Variants in RAPGEF5 observed in about 807,000 individuals in gnomAD.
RAPGEF5 encodes M-Ras-regulated GEF.
RAPGEF5 carries 65 observed loss-of-function variants against 125.2 expected under a neutral mutation model. The ratio of observed to expected loss-of-function variants is 0.52; its 90% CI spans 0.43 to 0.64. The LOEUF (loss-of-function observed/expected upper bound fraction) is 0.64. Among genes scored for constraint, RAPGEF5 ranks in the 30% least tolerant of loss-of-function variants. RAPGEF5 has a pLI of 0.00. For missense variants in RAPGEF5, 958 were observed against 1,048.1 expected (o/e 0.91, Z 1.19); for synonymous variants, 391 against 385.9 (o/e 1.01, Z -0.16).
At chr7:22,213,423 T>A (rs1412500981) in intron 9 of RAPGEF5, among the ~76,000 whole-genome samples, 1 of 152,268 alleles carries the variant, frequency 6.6e-6, no homozygotes, top group Non-Finnish European at 1.5e-5. Context: ...ATGTCTTATT[T>A]AGAGACTTCA....
intron 23 of RAPGEF5, among the ~76,000 whole-genome samples, chr7:22,135,225 C>G (rs1050975995): frequency 2.6e-5 from 4 of 152,116 alleles, no homozygotes; most frequent in Non-Finnish European, 4.4e-5. Flanking sequence ...AAGTTACAAG[C>G]CTCTGAAGAA....
At chr7:22,316,489 A>ATATATT (rs1201099897) in intron 2 of RAPGEF5, among the ~76,000 whole-genome samples, 13 of 50,646 alleles carry the variant, frequency 2.6e-4, no homozygotes, top group African/African-American at 5.7e-4. Context: ...ATATATATAT[A>ATATATT]TTTTTTTTTT....
chr7:22,198,292 G>C (rs1294969658), intron 9 of RAPGEF5, among the ~76,000 whole-genome samples: 1 of 152,216 alleles, frequency 6.6e-6, no homozygotes, highest in African/African-American at 2.4e-5. Flanking sequence ...ACTCCACAGG[G>C]CACTGGCCTG....
chr7:22,294,256 T>C (rs187532195), intron 5 of RAPGEF5, among the ~76,000 whole-genome samples: 4 of 152,038 alleles, frequency 2.6e-5, no homozygotes, highest in Non-Finnish European at 4.4e-5. Context: ...AGAAGAGAAA[T>C]AGAGTGACCC....
At chr7:22,239,473 C>T (rs1786269641) in intron 7 of RAPGEF5, among the ~76,000 whole-genome samples, 2 of 152,060 alleles carry the variant, frequency 1.3e-5, no homozygotes, top group African/African-American at 4.8e-5. Flanking sequence ...CTCCCATCTC[C>T]CCCATCAGAT....
chr7:22,321,350 G>C (rs750690054), intron 1 of RAPGEF5, among the ~76,000 whole-genome samples: 1 of 152,204 alleles, frequency 6.6e-6, no homozygotes, highest in Non-Finnish European at 1.5e-5. Flanking sequence ...AATAGTTCAT[G>C]AAACTGAGTC....
At chr7:22,312,565 C>A (rs1454679445) in intron 3 of RAPGEF5, among the ~76,000 whole-genome samples, 1 of 152,148 alleles carries the variant, frequency 6.6e-6, no homozygotes, top group Admixed American at 6.5e-5. Flanking sequence ...AAGCCCCAAT[C>A]CCCCAGATCC....
intron 9 of RAPGEF5, among the ~76,000 whole-genome samples, chr7:22,215,581 T>A (rs1468161311): frequency 2.6e-5 from 4 of 152,200 alleles, no homozygotes; most frequent in African/African-American, 9.6e-5. Context: ...CTCTATGACA[T>A]CGGCTTGAAC....
In RAPGEF5 at chr7:22,125,552, T is replaced by G. The variant is rs1782711984; in HGVS notation, c.2536+52A>C. 5.9e-6 allele frequency: 9 copies of G among 1,521,732 alleles called. No individual in the cohort carries two copies. The South Asian group carries it at 1.0e-4, about 17-fold the overall frequency. 94.3% of individuals were successfully genotyped at this position (1,521,732 alleles called of 1,614,324 possible). A position where few individuals can be genotyped will look rare whatever the true frequency, so the allele number is the denominator to read the frequency against. ...ACCACCCAATACTTGTGACCACAGT[T>G]GGTACCAACGTAGAGTCAATTTACA... On this transcript the variant is annotated intron_variant, in intron 25 of 25. Coordinates refer to ENST00000665637, the MANE Select transcript of RAPGEF5 (RefSeq NM_012294.5).
At chr7:22,182,144 G>GAATGC (rs1429932762) in intron 11 of RAPGEF5, among the ~76,000 whole-genome samples, 33 of 152,236 alleles carry the variant, frequency 2.2e-4, no homozygotes, top group African/African-American at 7.7e-4. Flanking sequence ...TTTTCTGATA[G>GAATGC]AATGCTAAAT....
In RAPGEF5 at chr7:22,277,340, T is replaced by C. The variant is rs756336650; in HGVS notation, c.748-10328A>G. Among the ~76,000 whole-genome samples, 102 of 152,224 alleles carry C rather than the reference T, an allele frequency of 6.7e-4. 1 individual carries two copies. Among genetic ancestry groups the C allele is most frequent in the Non-Finnish European group, 2.6e-4 (18 of 68,034 alleles). On this transcript the variant is annotated intron_variant, in intron 6 of 25. Coordinates refer to ENST00000665637, the MANE Select transcript of RAPGEF5 (RefSeq NM_012294.5). Reference sequence around the variant, plus strand: ...AGGAGATTATGGGTTCAAATTCAAATTCAAATCCAAATTCAAATTCTTGTA... The same window carrying C: ...AGGAGATTATGGGTTCAAATTCAAACTCAAATCCAAATTCAAATTCTTGTA...
At chr7:22,356,557 G>A in intron 1 of RAPGEF5, 1 of 169,734 alleles carries the variant, frequency 5.9e-6, no homozygotes, top group Non-Finnish European at 1.2e-5. Flanking sequence ...GTCTTCAGCC[G>A]ATGCCCGGTC....
chr7:22,225,532 C>T (rs57868796), intron 8 of RAPGEF5, among the ~76,000 whole-genome samples: 3 of 152,198 alleles, frequency 2.0e-5, no homozygotes, highest in Non-Finnish European at 2.9e-5. Context: ...TAAGGCAGTG[C>T]TATGCGGAAG....
At chr7:22,240,821 T>A (rs1786312568) in intron 7 of RAPGEF5, among the ~76,000 whole-genome samples, 1 of 152,012 alleles carries the variant, frequency 6.6e-6, no homozygotes, top group South Asian at 2.1e-4. Context: ...GATCCTAGTG[T>A]ACTCCAATAC....
At chr7:22,190,841 G>T (rs989751733) in intron 11 of RAPGEF5, among the ~76,000 whole-genome samples, 6 of 152,298 alleles carry the variant, frequency 3.9e-5, no homozygotes, top group African/African-American at 1.4e-4. Flanking sequence ...CCAGCCTCCA[G>T]GACCATTCCT....
chr7:22,266,654 C>CT (rs975896725), intron 7 of RAPGEF5, among the ~76,000 whole-genome samples: 7 of 152,228 alleles, frequency 4.6e-5, no homozygotes, highest in African/African-American at 1.7e-4. Context: ...GATCGGCTTA[C>CT]TTTGTCATGT....
At chr7:22,184,999 C>G (rs1178076742) in intron 11 of RAPGEF5, among the ~76,000 whole-genome samples, 3 of 152,168 alleles carry the variant, frequency 2.0e-5, no homozygotes, top group Non-Finnish European at 2.9e-5. Context: ...CTGCTCACAG[C>G]TGGAATCCAA....
intron 23 of RAPGEF5, among the ~76,000 whole-genome samples, 189 bp downstream of exon 23, chr7:22,135,849 A>G (rs1054662831): frequency 2.0e-5 from 3 of 152,158 alleles, no homozygotes; most frequent in African/African-American, 7.2e-5. Context: ...CTCAAACACA[A>G]TTACGTATTC....
At chr7:22,156,746 T>C in intron 16 of RAPGEF5, 64 bp downstream of exon 16, 3 of 1,607,652 alleles carry the variant, frequency 1.9e-6, no homozygotes, top group Non-Finnish European at 2.6e-6. Flanking sequence ...GATATGCCAA[T>C]GTAGGAGAAA....
Sources: allele counts gnomAD v4.1 joint callset (sites outside exome capture counted in the v4.1 genomes callset), GRCh38; gene constraint gnomAD v4.1.1; transcripts MANE v1.5; gene names NCBI Gene and HGNC (gene_info 2026-07-23, HGNC 2026-07-21).